Variants in GLIS1 observed in about 807,000 individuals in gnomAD.
GLIS1 encodes the protein zinc finger protein GLIS1.
Under a neutral mutation model 63.8 loss-of-function variants are expected in GLIS1, and 24 were observed. The ratio of observed to expected loss-of-function variants is 0.38; its 90% CI spans 0.27 to 0.53. The LOEUF (loss-of-function observed/expected upper bound fraction) is 0.53. Ranked by LOEUF, GLIS1 falls within the 20% of genes least tolerant of loss-of-function variation. The pLI is 0.85. For missense variants in GLIS1, 1,036 were observed against 1,074.1 expected (o/e 0.96, Z 0.50); for synonymous variants, 450 against 482.5 (o/e 0.93, Z 0.88).
chr1:53,644,758 C>T (rs550874062), intron 2 of GLIS1, among the ~76,000 whole-genome samples: 28 of 152,238 alleles, frequency 1.8e-4, no homozygotes, highest in African/African-American at 4.8e-4. Flanking sequence ...CCCCGGGGTC[C>T]GGCATCATCC....
At chr1:53,564,921 A>G (rs1217633112) in intron 4 of GLIS1, among the ~76,000 whole-genome samples, 1 of 152,098 alleles carries the variant, frequency 6.6e-6, no homozygotes, top group Non-Finnish European at 1.5e-5. Context: ...ATAAAATTAC[A>G]GAAAATTTGA....
At chr1:53,711,302 C>G (rs1397264595) in intron 2 of GLIS1, among the ~76,000 whole-genome samples, 1 of 152,186 alleles carries the variant, frequency 6.6e-6, no homozygotes, top group Non-Finnish European at 1.5e-5. Flanking sequence ...CATGTCCTTG[C>G]CCTGCATGGA....
chr1:53,634,683 C>T (rs1384705699), intron 2 of GLIS1, among the ~76,000 whole-genome samples: 2 of 152,188 alleles, frequency 1.3e-5, no homozygotes, highest in Non-Finnish European at 2.9e-5. Flanking sequence ...TCGGCCCCAC[C>T]GCTATTCCAG....
At position 53,678,858 on chromosome 1, in the gene GLIS1, T is replaced by C. The variant is rs150481270; in HGVS notation, c.259+58948A>G. Among the ~76,000 whole-genome samples the C allele has an allele frequency of 7.5e-3, 1,144 of 152,318 alleles. 11 individuals are homozygous for C. The highest frequency in any genetic ancestry group is 0.037 in the Middle Eastern group (11 of 294). Reference sequence around the variant, plus strand: ...CGCACAAGCTGAACTCCAGGGTCCCTTCCCAGCCAGAGAATCTGCCTTCTA... The same window carrying C: ...CGCACAAGCTGAACTCCAGGGTCCCCTCCCAGCCAGAGAATCTGCCTTCTA... On this transcript the variant is annotated intron_variant, in intron 2 of 10. Coordinates refer to ENST00000628545, the MANE Select transcript of GLIS1 (RefSeq NM_001367484.1).
intron 2 of GLIS1, among the ~76,000 whole-genome samples, chr1:53,707,851 C>A (rs781779180): frequency 2.0e-5 from 3 of 151,666 alleles, no homozygotes; most frequent in Admixed American, 6.6e-5. Flanking sequence ...CCATGTCTGG[C>A]CAACATGTAT....
intron 2 of GLIS1, among the ~76,000 whole-genome samples, chr1:53,659,941 G>T (rs1646008349): frequency 6.6e-6 from 1 of 152,152 alleles, no homozygotes; most frequent in African/African-American, 2.4e-5. Context: ...GGAACAAAAA[G>T]GCCCCTGCCC....
At chr1:53,513,047 G>C (rs1317716019) in intron 8 of GLIS1, among the ~76,000 whole-genome samples, 1 of 152,050 alleles carries the variant, frequency 6.6e-6, no homozygotes, top group African/African-American at 2.4e-5. Context: ...CGGTTTTCTG[G>C]GTCCCCCTTT....
At chr1:53,677,228 G>A (rs1471314310) in intron 2 of GLIS1, among the ~76,000 whole-genome samples, 1 of 151,804 alleles carries the variant, frequency 6.6e-6, no homozygotes, top group East Asian at 1.9e-4. Context: ...AGTTACGGTT[G>A]CTACATCCAC....
In GLIS1 at chr1:53,579,543, C is replaced by G. The variant is rs116282755; in HGVS notation, c.1320+14565G>C. Among the ~76,000 whole-genome samples, 379 of 152,340 alleles carry G rather than the reference C, an allele frequency of 2.5e-3. 3 individuals carry two copies. Among genetic ancestry groups the G allele is most frequent in the African/African-American group, 8.6e-3 (359 of 41,574 alleles). ...TCACAATATGGAGACAATTAAAGAG[C>G]TGGTGCTTCGAAGCCATGAGCTGCC... On this transcript the variant is annotated intron_variant, in intron 4 of 10. Transcript: ENST00000628545.
rs764237871 is a variant in GLIS1 at position 53,627,500 on chromosome 1, A to C, written c.260-27222T>G. 3.2e-4 allele frequency among the ~76,000 whole-genome samples: 48 copies of C among 152,334 alleles called. 1 individual carries two copies. Among genetic ancestry groups the C allele is most frequent in the Admixed American group, 2.0e-3 (30 of 15,304 alleles). On this transcript the variant is annotated intron_variant, in intron 2 of 10. Coordinates refer to ENST00000628545, the MANE Select transcript of GLIS1 (RefSeq NM_001367484.1). ...GTAAATGTTTTTAAAATGGGACCCC[A>C]GTACTAGACATGTCAAACAGCTGAA... is the stretch of plus-strand genomic sequence containing the variant.
In GLIS1 at chr1:53,560,898, C is replaced by T. The variant is rs1020519691; in HGVS notation, c.1321-30946G>A. Among the ~76,000 whole-genome samples the T allele has an allele frequency of 3.9e-5, 6 of 152,158 alleles. No homozygotes were observed. Among genetic ancestry groups the T allele is most frequent in the South Asian group, 2.1e-4 (1 of 4,820 alleles). On this transcript the variant is annotated intron_variant, in intron 4 of 10. Coordinates refer to ENST00000628545, the MANE Select transcript of GLIS1 (RefSeq NM_001367484.1). The surrounding 1 kb of genome is among the most constrained non-coding windows in gnomAD (Gnocchi z 4.4). ...CTGCCCTGCCACTGGTATCCCACCC[C>T]GCCCTGCCCACAGCCAGGCAGCCAG...
At chr1:53,701,500 A>G (rs1023047067) in intron 2 of GLIS1, among the ~76,000 whole-genome samples, 1 of 152,214 alleles carries the variant, frequency 6.6e-6, no homozygotes, top group Non-Finnish European at 1.5e-5. Context: ...CGTGCCAGGT[A>G]CTGTCCTAAG....
At chr1:53,732,757 C>T (rs1049824680) in intron 2 of GLIS1, among the ~76,000 whole-genome samples, 2 of 151,570 alleles carry the variant, frequency 1.3e-5, no homozygotes, top group Non-Finnish European at 2.9e-5. Flanking sequence ...CAAAAGAAAC[C>T]ACACAATTCT....
At chr1:53,570,838 G>T (rs1490154204) in intron 4 of GLIS1, among the ~76,000 whole-genome samples, 1 of 152,134 alleles carries the variant, frequency 6.6e-6, no homozygotes, top group African/African-American at 2.4e-5. Context: ...AAATAAATGT[G>T]AAAGTAAAAA....
intron 2 of GLIS1, among the ~76,000 whole-genome samples, chr1:53,726,207 G>C (rs1646803913): frequency 6.6e-6 from 1 of 152,170 alleles, no homozygotes; most frequent in South Asian, 2.1e-4. Context: ...CTTGATGGAA[G>C]GTCCAACAGG....
chr1:53,541,939 T>C (rs12752674), intron 4 of GLIS1, among the ~76,000 whole-genome samples: 95,343 of 152,140 alleles, frequency 0.63, 30,173 homozygotes, highest in African/African-American at 0.66. Context: ...CCACAGCTCC[T>C]CCTGTGGCCA....
In GLIS1 at chr1:53,595,575, G is replaced by A. The variant is rs893299348; in HGVS notation, c.438-585C>T. Among the ~76,000 whole-genome samples the A allele has an allele frequency of 5.9e-5, 9 of 152,204 alleles. No homozygotes were observed. The South Asian group carries it at 6.2e-4, about 11-fold the overall frequency. On this transcript the variant is annotated intron_variant, in intron 3 of 10. Coordinates refer to ENST00000628545, the MANE Select transcript of GLIS1 (RefSeq NM_001367484.1). ...ACCCCCACCCAGCCCTGGATGCCAC[G>A]CCATCCTGCTTCCCAGGGGGCTGCC...
At chr1:53,580,863 T>C (rs191429184) in intron 4 of GLIS1, among the ~76,000 whole-genome samples, 3 of 152,272 alleles carry the variant, frequency 2.0e-5, no homozygotes, top group Admixed American at 6.5e-5. Context: ...TAATGCAAAA[T>C]TGTACTCCTG....
At chr1:53,653,263 T>C (rs527953151) in intron 2 of GLIS1, among the ~76,000 whole-genome samples, 2 of 152,336 alleles carry the variant, frequency 1.3e-5, no homozygotes, top group African/African-American at 2.4e-5. Context: ...GATGGACATA[T>C]AGATGGGGAC....
Sources: allele counts gnomAD v4.1 joint callset (sites outside exome capture counted in the v4.1 genomes callset), GRCh38; gene constraint gnomAD v4.1.1; non-coding constraint Gnocchi (gnomAD v3.1); transcripts MANE v1.5; gene names NCBI Gene and HGNC (gene_info 2026-07-23, HGNC 2026-07-21).